The following KCNQ1 variants were observed in gnomAD, a reference collection of about 807,000 sequenced individuals.
KCNQ1 encodes potassium voltage-gated channel subfamily KQT member 1.
A neutral mutation model predicts 72.4 loss-of-function variants in KCNQ1; 49 were observed. That is an observed-to-expected ratio of 0.68 (90% CI 0.54 to 0.86). KCNQ1 has a LOEUF of 0.86. KCNQ1 is among the 40% of genes least tolerant of loss of function. The probability of loss-of-function intolerance (pLI) is 0.00; values close to 1 mark genes in which losing one functional copy is unlikely to be tolerated. For missense variants in KCNQ1, 790 were observed against 945.1 expected (o/e 0.84, Z 2.15); for synonymous variants, 450 against 412.6 (o/e 1.09, Z -1.10).
intron 15 of KCNQ1, among the ~76,000 whole-genome samples, chr11:2,790,444 G>T (rs756676799): frequency 9.2e-5 from 14 of 152,194 alleles, no homozygotes; most frequent in Non-Finnish European, 1.9e-4. Context: ...CATAGGAGGG[G>T]CTCATCACTC....
At chr11:2,693,698 C>T in intron 11 of KCNQ1, 1 of 398,690 alleles carries the variant, frequency 2.5e-6, no homozygotes, top group South Asian at 1.3e-4. Flanking sequence ...TGCGCTCCAG[C>T]CTCATGGGCC....
At chr11:2,576,930 C>T (rs1354282100) in intron 6 of KCNQ1, among the ~76,000 whole-genome samples, 1 of 152,192 alleles carries the variant, frequency 6.6e-6, no homozygotes, top group East Asian at 1.9e-4. Context: ...AGTTCAGCTG[C>T]CCTACTGAGT....
At chr11:2,607,913 T>C (rs1030821837) in intron 10 of KCNQ1, among the ~76,000 whole-genome samples, 9 of 152,216 alleles carry the variant, frequency 5.9e-5, no homozygotes, top group Non-Finnish European at 7.3e-5. Flanking sequence ...ACAGTTATTG[T>C]AATGAAATAC....
intron 1 of KCNQ1, 98 bp downstream of exon 1, chr11:2,445,582 G>A: frequency 1.4e-6 from 2 of 1,389,654 alleles, no homozygotes; most frequent in Admixed American, 2.0e-5. Context: ...TCGGAGCTGC[G>A]ACCCCGGAGC....
rs951116756 is a variant in KCNQ1 at position 2,579,689 on chromosome 11, C to A, written c.922-3746C>A. On this transcript the variant is annotated intron_variant, in intron 6 of 15. Transcript: ENST00000155840. This position sits in a 1 kb window ranked among gnomAD's most constrained non-coding sequence, Gnocchi z 6.0. ...AGCTGCGTCCTGCTGTATGTGTGCT[C>A]TCCACGGTGGGCAGACACCCAGGGG... is the stretch of plus-strand genomic sequence containing the variant. Among the ~76,000 whole-genome samples the A allele has an allele frequency of 2.0e-5, 3 of 152,156 alleles. No homozygotes were observed. Among genetic ancestry groups the A allele is most frequent in the African/African-American group, 7.2e-5 (3 of 41,434 alleles).
intron 10 of KCNQ1, among the ~76,000 whole-genome samples, chr11:2,607,749 T>C (rs1004635291): frequency 1.3e-5 from 2 of 152,212 alleles, no homozygotes; most frequent in African/African-American, 2.4e-5. Flanking sequence ...TTGATAATGG[T>C]GTATTACATT....
In KCNQ1 at chr11:2,598,035, A is replaced by G. The variant is rs1295889815; in HGVS notation, c.1393+9181A>G. Among the ~76,000 whole-genome samples, 3 of 151,722 alleles carry G rather than the reference A, an allele frequency of 2.0e-5. No individual in the cohort carries two copies. The highest frequency in any genetic ancestry group is 4.2e-4 in the South Asian group (2 of 4,812). On this transcript the variant is annotated intron_variant, in intron 10 of 15. Coordinates refer to ENST00000155840, the MANE Select transcript of KCNQ1 (RefSeq NM_000218.3). This position sits in a 1 kb window ranked among gnomAD's most constrained non-coding sequence, Gnocchi z 6.2. ...TTTATTATCAGAAAACTATCTTTGT[A>G]CTCTTTGTTATCTATTTCATTAATC...
rs548417410 is a variant in KCNQ1 at position 2,610,913 on chromosome 11, A to G, written c.1393+22059A>G. On this transcript the variant is annotated intron_variant, in intron 10 of 15. Coordinates refer to ENST00000155840, the MANE Select transcript of KCNQ1 (RefSeq NM_000218.3). ...TTTCATCCAAGAATAGTAGTTGGGT[A>G]ATAGTTCAATAACTCACTCTGAATA... 10 of 398,350 alleles carry G rather than the reference A, an allele frequency of 2.5e-5. No homozygotes were observed. In the South Asian group the frequency reaches 8.9e-4, roughly 36 times the overall value. 24.7% of individuals were successfully genotyped at this position (398,350 alleles called of 1,614,324 possible). A position where few individuals can be genotyped will look rare whatever the true frequency, so the allele number is the denominator to read the frequency against.
At chr11:2,557,472 CCTGTT>C (rs1848088903) in intron 2 of KCNQ1, among the ~76,000 whole-genome samples, 1 of 152,186 alleles carries the variant, frequency 6.6e-6, no homozygotes, top group African/African-American at 2.4e-5. Flanking sequence ...TGAAATAACT[CCTGTT>C]CTTGTTATCT....
At chr11:2,656,997 T>A in intron 10 of KCNQ1, 2 of 398,658 alleles carry the variant, frequency 5.0e-6, no homozygotes, top group African/African-American at 4.1e-5. Context: ...CTTCCCAGGA[T>A]GTGCAGGCCA....
At chr11:2,811,112 C>T (rs1289819554) in intron 15 of KCNQ1, among the ~76,000 whole-genome samples, 1 of 152,222 alleles carries the variant, frequency 6.6e-6, no homozygotes, top group Non-Finnish European at 1.5e-5. Context: ...GTCCCTTCAC[C>T]CTCAGGCTGT....
intron 6 of KCNQ1, among the ~76,000 whole-genome samples, chr11:2,580,808 C>T (rs1344441589): frequency 2.6e-5 from 4 of 152,250 alleles, no homozygotes; most frequent in Admixed American, 6.5e-5. Flanking sequence ...TCCTCCCGGA[C>T]CCAGTGCTAG....
At chr11:2,552,509 T>TC (rs1413048371) in intron 2 of KCNQ1, among the ~76,000 whole-genome samples, 2 of 152,214 alleles carry the variant, frequency 1.3e-5, no homozygotes, top group African/African-American at 4.8e-5. Flanking sequence ...CCAATTTTGT[T>TC]CATTTTCAAG....
At position 2,750,566 on chromosome 11, in the gene KCNQ1, G is replaced by C. The variant is rs926623149; in HGVS notation, c.1515-18278G>C. Among the ~76,000 whole-genome samples the C allele has an allele frequency of 6.6e-6, 1 of 152,186 alleles. No individual in the cohort carries two copies. Among genetic ancestry groups the C allele is most frequent in the African/African-American group, 2.4e-5 (1 of 41,446 alleles). ...AGGCCCTGGCTGGACCAGTTGCTTT[G>C]CAATTCACAAGGCTTTGGAAGGCAG... is the stretch of plus-strand genomic sequence containing the variant. On this transcript the variant is annotated intron_variant, in intron 11 of 15. Coordinates refer to ENST00000155840, the MANE Select transcript of KCNQ1 (RefSeq NM_000218.3). The surrounding 1 kb of genome is among the most constrained non-coding windows in gnomAD (Gnocchi z 6.3).
rs34219164 is a variant in KCNQ1, at chr11:2,674,832, TAAAAAAAAAAAAAAA to T, written c.1514+12765_1514+12779del. On this transcript the variant is annotated intron_variant, in intron 11 of 15. Transcript: ENST00000155840. This position sits in a 1 kb window ranked among gnomAD's most constrained non-coding sequence, Gnocchi z 5.9. ...GCTTGTCACCCTAATAGCTGTTTTTTAAAAAAAAAAAAAAAAAAAAAAAAAAAAGCTCACTGGGCA... is the reference window on the plus strand; with the variant it reads ...GCTTGTCACCCTAATAGCTGTTTTTTAAAAAAAAAAAAAGCTCACTGGGCA... 8 of 303,866 alleles carry T rather than the reference TAAAAAAAAAAAAAAA, an allele frequency of 2.6e-5. No individual in the cohort carries two copies. The highest frequency in any genetic ancestry group is 7.7e-4 in the Middle Eastern group (1 of 1,294). The allele number at this position is 303,866 out of a possible 1,614,324, so 18.8% of individuals were successfully genotyped here. A position where few individuals can be genotyped will look rare whatever the true frequency, so the allele number is the denominator to read the frequency against.
chr11:2,727,158 G>C (rs1257993162), intron 11 of KCNQ1, among the ~76,000 whole-genome samples: 2 of 152,192 alleles, frequency 1.3e-5, no homozygotes, highest in Non-Finnish European at 2.9e-5. Context: ...GAGCAGCCAT[G>C]GGGCAGTGGG....
chr11:2,561,839 G>A (rs1231995024), intron 2 of KCNQ1, among the ~76,000 whole-genome samples: 1 of 152,232 alleles, frequency 6.6e-6, no homozygotes, highest in Non-Finnish European at 1.5e-5. Context: ...GCCTGTTCCA[G>A]GCTACCTTGG....
In KCNQ1 at chr11:2,661,192, T is replaced by C; in HGVS notation, c.1394-769T>C. 1 of 398,618 alleles carries C rather than the reference T, an allele frequency of 2.5e-6. No individual in the cohort carries two copies. 24.7% of individuals were successfully genotyped at this position (398,618 alleles called of 1,614,324 possible). On this transcript the variant is annotated intron_variant, in intron 10 of 15. Transcript: ENST00000155840. The surrounding 1 kb of genome is among the most constrained non-coding windows in gnomAD (Gnocchi z 5.9). ...GATGACCTTGGGGGAGGAAAGCCAT[T>C]GTGAATCTTTGAATTATTCCACTTC...
At chr11:2,840,588 G>T (rs1374038699) in intron 15 of KCNQ1, 1 of 152,148 alleles carries the variant, frequency 6.6e-6, no homozygotes, top group Non-Finnish European at 1.5e-5. Context: ...GGATGAGAAG[G>T]CATAAAGGAA....
Sources: gnomAD v4.1 joint callset for allele counts (sites outside exome capture counted in the v4.1 genomes callset) on GRCh38, gnomAD v4.1.1 for gene constraint, Gnocchi (gnomAD v3.1) non-coding constraint, MANE v1.5 for transcripts, NCBI Gene and HGNC (gene_info 2026-07-23, HGNC 2026-07-21) for gene names.